CERS6: variants seen among roughly 807,000 people sequenced by gnomAD.
The protein encoded by CERS6 is ceramide synthase 6, also known as LAG1 homolog, ceramide synthase 6.
In CERS6, 26 loss-of-function variants were observed where a neutral mutation model predicts 56.8. The observed-to-expected ratio is 0.46, with a 90% CI of 0.34 to 0.63. The LOEUF is 0.63. Among genes scored for constraint, CERS6 ranks in the 30% least tolerant of loss-of-function variants. The pLI is 0.01. For synonymous variants in CERS6, 164 were observed against 173.3 expected, an observed-to-expected ratio of 0.95 and a Z score of 0.42; for missense variants, 415 against 467.5, an observed-to-expected ratio of 0.89 and a Z score of 1.04.
chr2:168,635,068 T>C (rs1013466510), intron 4 of CERS6, among the ~76,000 whole-genome samples: 6 of 152,176 alleles, frequency 3.9e-5, no homozygotes, highest in Non-Finnish European at 7.4e-5. Flanking sequence ...TTACCTCGAG[T>C]GTAAGCTCCT....
At chr2:168,739,250 A>G (rs1683820185) in intron 8 of CERS6, among the ~76,000 whole-genome samples, 1 of 151,844 alleles carries the variant, frequency 6.6e-6, no homozygotes, top group South Asian at 2.1e-4. Context: ...GGCAGTGATG[A>G]TGGTCTAACT....
rs1007469214 is a variant in CERS6, at chr2:168,772,700, G to A, written c.*3038G>A. ...TTCCAAATTTGGTCCTATGGATGTT[G>A]AGCATAGGGAAGCAACTCTCAGTAT... On this transcript the variant is annotated 3_prime_UTR_variant, in exon 10 of 10. Transcript: ENST00000305747. 3.3e-5 allele frequency: 5 copies of A among 152,640 alleles called. No homozygotes were observed. In the East Asian group the frequency reaches 9.6e-4, roughly 29 times the overall value. 9.5% of individuals were successfully genotyped at this position (152,640 alleles called of 1,614,324 possible). A position where few individuals can be genotyped will look rare whatever the true frequency, so the allele number is the denominator to read the frequency against.
intron 4 of CERS6, among the ~76,000 whole-genome samples, chr2:168,678,934 A>G (rs1353895541): frequency 1.3e-5 from 2 of 152,212 alleles, no homozygotes; most frequent in Admixed American, 1.3e-4. Flanking sequence ...AATTAACCTC[A>G]GTGTCCATTG....
intron 8 of CERS6, among the ~76,000 whole-genome samples, chr2:168,762,327 T>G (rs1684606058): frequency 6.6e-6 from 1 of 152,230 alleles, no homozygotes; most frequent in Non-Finnish European, 1.5e-5. Flanking sequence ...TGAAATTAAG[T>G]CTCTGACTCC....
intron 1 of CERS6, among the ~76,000 whole-genome samples, chr2:168,534,382 AC>A (rs1198202107): frequency 7.0e-6 from 1 of 142,556 alleles, no homozygotes; most frequent in Non-Finnish European, 1.5e-5. Context: ...GAACCTGCTA[AC>A]CCTTGGATGC....
intron 4 of CERS6, among the ~76,000 whole-genome samples, chr2:168,633,916 G>A (rs186742363): frequency 1.1e-4 from 16 of 152,264 alleles, no homozygotes; most frequent in African/African-American, 3.6e-4. Context: ...ATTTTAAGAG[G>A]TTAGAGGCTA....
chr2:168,641,914 T>C (rs1438468840), intron 4 of CERS6, among the ~76,000 whole-genome samples: 1 of 151,246 alleles, frequency 6.6e-6, no homozygotes, highest in Admixed American at 6.6e-5. Context: ...AAAGCCACTT[T>C]GCTATTTTGT....
chr2:168,694,884 A>T lies in CERS6; in HGVS notation c.517-75A>T, dbSNP rs937691175. ...AAGACCATGTTACTTTTGAGCAGTG[A>T]GCTTGAGATGTCTGGGATACAAATT... On this transcript the variant is annotated intron_variant, in intron 5 of 9. Coordinates refer to ENST00000305747, the MANE Select transcript of CERS6 (RefSeq NM_203463.3). 5.3e-6 allele frequency: 6 copies of T among 1,132,808 alleles called. No individual in the cohort carries two copies. The African/African-American group carries it at 9.3e-5, about 17-fold the overall frequency. The allele number at this position is 1,132,808 out of a possible 1,614,324, so 70.2% of individuals were successfully genotyped here. A position where few individuals can be genotyped will look rare whatever the true frequency, so the allele number is the denominator to read the frequency against.
chr2:168,568,475 T>C (rs1303174314), intron 3 of CERS6, among the ~76,000 whole-genome samples: 2 of 152,236 alleles, frequency 1.3e-5, no homozygotes, highest in African/African-American at 4.8e-5. Context: ...TTGTAGAGGA[T>C]TTATAAAAGT....
chr2:168,550,032 A>G (rs1352562586), intron 2 of CERS6, among the ~76,000 whole-genome samples: 1 of 152,190 alleles, frequency 6.6e-6, no homozygotes, highest in Non-Finnish European at 1.5e-5. Context: ...ATGACTGGCT[A>G]CATAGTTTGT....
At chr2:168,512,988 G>T (rs1042591908) in intron 1 of CERS6, among the ~76,000 whole-genome samples, 5 of 152,082 alleles carry the variant, frequency 3.3e-5, no homozygotes, top group African/African-American at 7.2e-5. Context: ...TTCTTCTGGG[G>T]ATCATTTTAT....
chr2:168,557,203 T>C (rs2105378666), intron 2 of CERS6, among the ~76,000 whole-genome samples: 1 of 152,062 alleles, frequency 6.6e-6, no homozygotes, highest in South Asian at 2.1e-4. Flanking sequence ...GAAAGTACCT[T>C]ATTCTCAGTA....
At chr2:168,740,898 G>A (rs1683879032) in intron 8 of CERS6, among the ~76,000 whole-genome samples, 1 of 152,206 alleles carries the variant, frequency 6.6e-6, no homozygotes, top group Admixed American at 6.5e-5. Context: ...GAGTAGAGTG[G>A]TGGTAGTGGT....
intron 1 of CERS6, among the ~76,000 whole-genome samples, chr2:168,521,064 T>A (rs985687861): frequency 9.9e-5 from 15 of 152,230 alleles, no homozygotes; most frequent in African/African-American, 3.6e-4. Context: ...CTGTTTTTGA[T>A]AGATTACTAA....
At chr2:168,626,484 A>G (rs915813315) in intron 3 of CERS6, among the ~76,000 whole-genome samples, 1 of 152,178 alleles carries the variant, frequency 6.6e-6, no homozygotes, top group Non-Finnish European at 1.5e-5. Context: ...TGATTTTAAC[A>G]AAGAGCCCTG....
At chr2:168,614,835 C>A (rs575649906) in intron 3 of CERS6, among the ~76,000 whole-genome samples, 43 of 152,084 alleles carry the variant, frequency 2.8e-4, no homozygotes, top group Non-Finnish European at 5.4e-4. Flanking sequence ...GTTCTAGGTC[C>A]CCATCCACTG....
At chr2:168,600,927 A>C (rs980471380) in intron 3 of CERS6, among the ~76,000 whole-genome samples, 1 of 152,158 alleles carries the variant, frequency 6.6e-6, no homozygotes, top group Non-Finnish European at 1.5e-5. Flanking sequence ...ATTTCTATTT[A>C]CCAATAAACT....
At chr2:168,544,381 T>G (rs1162107645) in intron 1 of CERS6, among the ~76,000 whole-genome samples, 1 of 152,158 alleles carries the variant, frequency 6.6e-6, no homozygotes, top group Non-Finnish European at 1.5e-5. Context: ...CTCTGCAAAG[T>G]GGGGATAATG....
intron 8 of CERS6, among the ~76,000 whole-genome samples, chr2:168,725,694 A>T (rs1683330938): frequency 6.6e-6 from 1 of 152,264 alleles, no homozygotes; most frequent in African/African-American, 2.4e-5. Flanking sequence ...CAAAAGCTTC[A>T]ATGGTATATA....
Sources: gnomAD v4.1 joint callset for allele counts (sites outside exome capture counted in the v4.1 genomes callset) on GRCh38, gnomAD v4.1.1 for gene constraint, MANE v1.5 for transcripts, NCBI Gene and HGNC (gene_info 2026-07-23, HGNC 2026-07-21) for gene names.